The following EPB41L4B variants were observed in gnomAD, a reference collection of about 807,000 sequenced individuals.
EPB41L4B encodes the protein erythrocyte membrane protein band 4.1 like 4B.
EPB41L4B carries 30 observed loss-of-function variants against 112.5 expected under a neutral mutation model. The observed-to-expected ratio is 0.27, with a 90% confidence interval of 0.20 to 0.36. The LOEUF is 0.36. Ranked by LOEUF, EPB41L4B falls within the 10% of genes least tolerant of loss-of-function variation. EPB41L4B has a pLI of 1.00. For synonymous variants in EPB41L4B, 408 were observed against 439.7 expected (o/e 0.93, Z 0.90); for missense variants, 1,024 against 1,133.3 (o/e 0.90, Z 1.38).
intron 20 of EPB41L4B, among the ~76,000 whole-genome samples, chr9:109,196,931 G>A (rs1399284344): frequency 1.3e-5 from 2 of 152,120 alleles, no homozygotes; most frequent in East Asian, 1.9e-4. Flanking sequence ...TTTTGGTGGA[G>A]CAACCTAAAA....
chr9:109,217,101 G>C lies in EPB41L4B; in HGVS notation c.1454C>G (p.Pro485Arg). ...SPVLSSSDRL[P>R]FGIEENGGTP... is the part of the protein sequence containing the mutation. ...GCCCCCATTCTCCTCAATGCCAAAA[G>C]GCAACCGGTCCGAGCTGCTAAGCAC... The change falls in exon 16 of 26, where the codon CCT becomes CGT. Residue 485 changes from proline to arginine, a missense_variant. Coordinates refer to ENST00000374566, the MANE Select transcript of EPB41L4B (RefSeq NM_019114.5). The C allele has an allele frequency of 6.2e-7, 1 of 1,614,204 alleles. No homozygotes were observed. The highest frequency in any genetic ancestry group is 8.5e-7 in the Non-Finnish European group (1 of 1,180,048).
intron 15 of EPB41L4B, among the ~76,000 whole-genome samples, chr9:109,219,521 T>C (rs960369323): frequency 1.2e-4 from 18 of 152,272 alleles, no homozygotes; most frequent in African/African-American, 4.3e-4. Context: ...CCACCACTCC[T>C]GGCTATTGGT....
chr9:109,192,173 G>A (rs1401541408), intron 22 of EPB41L4B, 105 bp downstream of exon 22: 3 of 877,940 alleles, frequency 3.4e-6, no homozygotes, highest in Non-Finnish European at 5.4e-6. Context: ...AGGACAAGAG[G>A]AAGAGGCTCC....
chr9:109,221,612 A>G (rs954538043), intron 15 of EPB41L4B, among the ~76,000 whole-genome samples: 1 of 152,206 alleles, frequency 6.6e-6, no homozygotes, highest in Non-Finnish European at 1.5e-5. Flanking sequence ...ATGTGGAGAT[A>G]TGGAAGGGTC....
intron 14 of EPB41L4B, among the ~76,000 whole-genome samples, chr9:109,246,145 T>C (rs1442573737): frequency 1.3e-5 from 2 of 152,184 alleles, no homozygotes; most frequent in South Asian, 2.1e-4. Context: ...CTCACACCTG[T>C]AAACCCAGCA....
intron 1 of EPB41L4B, 140 bp from the exon 2 acceptor site, chr9:109,280,061 T>A: frequency 1.6e-6 from 1 of 609,900 alleles, no homozygotes; most frequent in East Asian, 2.8e-5. Flanking sequence ...ATTAGTTTGA[T>A]TATAAGGGTA....
chr9:109,185,952 GC>G (rs1225059970), intron 22 of EPB41L4B, among the ~76,000 whole-genome samples: 3 of 152,056 alleles, frequency 2.0e-5, no homozygotes, highest in African/African-American at 7.2e-5. Context: ...TGGCTTCTTG[GC>G]ACGCGGTTGA....
At chr9:109,289,632 AC>A (rs1344693378) in intron 1 of EPB41L4B, among the ~76,000 whole-genome samples, 4 of 152,156 alleles carry the variant, frequency 2.6e-5, no homozygotes, top group Non-Finnish European at 5.9e-5. Flanking sequence ...TGGATGCAGA[AC>A]CCTGTTACTC....
At chr9:109,193,087 A>G (rs1564255584) in intron 21 of EPB41L4B, among the ~76,000 whole-genome samples, 1 of 152,226 alleles carries the variant, frequency 6.6e-6, no homozygotes, top group Non-Finnish European at 1.5e-5. Flanking sequence ...AAAGTTGTAC[A>G]GGGGGCTCCA....
intron 15 of EPB41L4B, among the ~76,000 whole-genome samples, chr9:109,220,317 G>A (rs1025048490): frequency 2.6e-5 from 4 of 152,234 alleles, no homozygotes; most frequent in Non-Finnish European, 5.9e-5. Flanking sequence ...GTAGCAGGAA[G>A]GGAGACTAAG....
intron 2 of EPB41L4B, among the ~76,000 whole-genome samples, chr9:109,273,003 C>A (rs1245245229): frequency 1.3e-5 from 2 of 152,046 alleles, no homozygotes; most frequent in Non-Finnish European, 2.9e-5. Flanking sequence ...CACGGACTAG[C>A]CTAAAGTGCC....
chr9:109,314,253 G>A (rs2119279814), intron 1 of EPB41L4B, among the ~76,000 whole-genome samples: 1 of 152,370 alleles, frequency 6.6e-6, no homozygotes, highest in East Asian at 1.9e-4. Context: ...ATGGTAGGCG[G>A]AGGATTTCTG....
intron 15 of EPB41L4B, among the ~76,000 whole-genome samples, chr9:109,243,113 C>T (rs941866630): frequency 6.7e-6 from 1 of 149,454 alleles, no homozygotes; most frequent in Non-Finnish European, 1.5e-5. Flanking sequence ...AATATATTGA[C>T]TGTCTGATCC....
rs774922127 is a variant in EPB41L4B, at chr9:109,207,950, C to T, written c.1852G>A (p.Glu618Lys). 13 of 1,614,138 alleles carry T rather than the reference C, an allele frequency of 8.1e-6. 1 individual carries two copies. The South Asian group carries it at 1.3e-4, about 16-fold the overall frequency. The change falls in exon 18 of 26, where the codon GAA (glutamate) becomes AAA (lysine). Residue 618 changes from glutamate to lysine, a missense_variant. Coordinates refer to ENST00000374566, the MANE Select transcript of EPB41L4B (RefSeq NM_019114.5). ...VKCNILKAQL[E>K]NASRVNIQGG... is the part of the protein sequence containing the mutation. ...TGGATGTTCACTCGGGAAGCATTTT[C>T]CAACTGGGCTTTCAGAATGTTACAC... is the stretch of plus-strand genomic sequence containing the variant.
At chr9:109,214,837 G>C (rs1434462476) in intron 16 of EPB41L4B, among the ~76,000 whole-genome samples, 1 of 152,174 alleles carries the variant, frequency 6.6e-6, no homozygotes, top group Non-Finnish European at 1.5e-5. Flanking sequence ...CTAATGAAAG[G>C]TCTTATGGCA....
intron 1 of EPB41L4B, among the ~76,000 whole-genome samples, chr9:109,294,513 C>G (rs1836658636): frequency 6.6e-6 from 1 of 151,706 alleles, no homozygotes; most frequent in Non-Finnish European, 1.5e-5. Flanking sequence ...ACTCAGGAGG[C>G]TGAGGTAGGA....
In EPB41L4B at chr9:109,203,109, G is replaced by A. The variant is rs188401007; in HGVS notation, c.1946+554C>T. Among the ~76,000 whole-genome samples the A allele has an allele frequency of 1.2e-4, 18 of 152,260 alleles. No homozygotes were observed. In the East Asian group the frequency reaches 3.1e-3, roughly 26 times the overall value. ...GCAGATGTTGCAGTGAGCCGAGATC[G>A]CACCACTGCACTCCAGCCTGGGCAA... On this transcript the variant is annotated intron_variant, in intron 19 of 25. Transcript: ENST00000374566.
chr9:109,240,937 A>G, intron 15 of EPB41L4B: 1 of 985,474 alleles, frequency 1.0e-6, no homozygotes, highest in Admixed American at 6.1e-5. Context: ...ATTTAAGATT[A>G]GTACGACTGC....
At chr9:109,301,003 T>TA (rs1836943115) in intron 1 of EPB41L4B, 4 of 152,204 alleles carry the variant, frequency 2.6e-5, no homozygotes, top group Non-Finnish European at 4.4e-5. Context: ...ATTATACCTA[T>TA]ACTCATAGCC....
Sources: gnomAD v4.1 joint callset for allele counts (sites outside exome capture counted in the v4.1 genomes callset) on GRCh38, gnomAD v4.1.1 for gene constraint, MANE v1.5 for transcripts, NCBI Gene and HGNC (gene_info 2026-07-23, HGNC 2026-07-21) for gene names.